PHF24: variants seen among roughly 807,000 people sequenced by gnomAD.
PHF24 encodes the protein Galpha inhibitory interacting protein.
PHF24 carries 25 observed loss-of-function variants against 42.6 expected under a neutral mutation model. The observed-to-expected ratio is 0.59, with a 90% CI of 0.43 to 0.82. The LOEUF (loss-of-function observed/expected upper bound fraction) is 0.82, where lower values mean the gene tolerates loss of function less well. PHF24 is among the 40% of genes least tolerant of loss of function. The pLI, the probability that PHF24 is intolerant of heterozygous loss-of-function variation, is 0.00. For synonymous variants in PHF24, 185 were observed against 204.8 expected (o/e 0.90, Z 0.83); for missense variants, 470 against 538.1 (o/e 0.87, Z 1.25).
chr9:34,849,556 A>G, the PHF24 span, among the ~76,000 whole-genome samples: 47 of 152,130 alleles, frequency 3.1e-4, no homozygotes, highest in African/African-American at 8.4e-4. Flanking sequence ...TCTTTATCCA[A>G]TTTGCCAGTC....
chr9:34,851,386 G>C, the PHF24 span, among the ~76,000 whole-genome samples: 1 of 152,288 alleles, frequency 6.6e-6, no homozygotes, highest in East Asian at 1.9e-4. Flanking sequence ...AGACTCCGTG[G>C]GTGTAGGACC....
the PHF24 span, among the ~76,000 whole-genome samples, chr9:34,858,056 C>T: frequency 6.7e-6 from 1 of 149,354 alleles, no homozygotes; most frequent in Non-Finnish European, 1.5e-5. Context: ...TCATAAATCT[C>T]CATTTCTTTT....
At chr9:34,860,809 T>A in the PHF24 span, among the ~76,000 whole-genome samples, 7 of 152,198 alleles carry the variant, frequency 4.6e-5, no homozygotes, top group Admixed American at 1.3e-4. Flanking sequence ...ATGGGGTAAC[T>A]GAGCCACATT....
the PHF24 span, among the ~76,000 whole-genome samples, chr9:34,920,136 T>C: frequency 9.2e-5 from 14 of 152,222 alleles, no homozygotes; most frequent in Admixed American, 5.2e-4. Flanking sequence ...CTCCATACAG[T>C]TCTCCATAGT....
chr9:34,709,304 T>C, the PHF24 span: 1 of 1,507,624 alleles, frequency 6.6e-7, no homozygotes, highest in Non-Finnish European at 9.1e-7. Context: ...CCAGGGCCCC[T>C]GAGCATAGCC....
At chr9:34,875,838 A>G in the PHF24 span, among the ~76,000 whole-genome samples, 1 of 151,296 alleles carries the variant, frequency 6.6e-6, no homozygotes, top group East Asian at 1.9e-4. Context: ...TCTGGGGCCT[A>G]TCGACCCAGC....
chr9:34,741,713 C>T, the PHF24 span, among the ~76,000 whole-genome samples: 8 of 152,192 alleles, frequency 5.3e-5, no homozygotes, highest in South Asian at 1.7e-3. Context: ...GGCCAAGTGA[C>T]GGCTGGGCTG....
At chr9:34,961,737 G>T (rs907489968) in intron 1 of PHF24, among the ~76,000 whole-genome samples, 23 of 152,178 alleles carry the variant, frequency 1.5e-4, no homozygotes, top group African/African-American at 5.6e-4. Context: ...AATTACTTTT[G>T]CCCATATACT....
the PHF24 span, among the ~76,000 whole-genome samples, chr9:34,805,289 C>T: frequency 2.0e-5 from 3 of 152,210 alleles, no homozygotes; most frequent in Non-Finnish European, 2.9e-5. Context: ...CCAAACTGTT[C>T]TCCAAAGCAA....
chr9:34,884,105 T>C, the PHF24 span, among the ~76,000 whole-genome samples: 3 of 152,164 alleles, frequency 2.0e-5, no homozygotes, highest in Non-Finnish European at 4.4e-5. Context: ...CCGAGAAAAC[T>C]ATCACGAGGA....
chr9:34,952,978 A>T (rs1398320594), upstream of PHF24, among the ~76,000 whole-genome samples: 1 of 152,256 alleles, frequency 6.6e-6, no homozygotes, highest in Non-Finnish European at 1.5e-5. Context: ...AATTAAAAAT[A>T]GATCATAAAC....
At chr9:34,861,341 G>A in the PHF24 span, among the ~76,000 whole-genome samples, 5 of 152,318 alleles carry the variant, frequency 3.3e-5, no homozygotes, top group East Asian at 9.7e-4. Flanking sequence ...TTTAGACCTA[G>A]ATAAGGGCCA....
chr9:34,971,313 G>A, exon 2 of PHF24: 1 of 1,605,300 alleles, frequency 6.2e-7, no homozygotes, highest in Non-Finnish European at 8.5e-7. Flanking sequence ...GGGTGTTGAT[G>A]TCCAAGCGGC....
the PHF24 span, among the ~76,000 whole-genome samples, chr9:34,931,198 A>G: frequency 5.9e-5 from 9 of 151,960 alleles, no homozygotes; most frequent in Admixed American, 2.6e-4. Context: ...AACATGGTGA[A>G]ACCCTGTCTC....
chr9:34,784,051 T>G, the PHF24 span, among the ~76,000 whole-genome samples: 2 of 152,230 alleles, frequency 1.3e-5, no homozygotes, highest in Non-Finnish European at 2.9e-5. Flanking sequence ...TGACAGCTAT[T>G]TCCTCTGTGC....
chr9:34,710,544 T>G, the PHF24 span, among the ~76,000 whole-genome samples: 2 of 150,104 alleles, frequency 1.3e-5, no homozygotes, highest in Admixed American at 6.7e-5. Flanking sequence ...CTTGGCTCAC[T>G]GAAATCTCCG....
At chr9:34,890,578 A>T in the PHF24 span, among the ~76,000 whole-genome samples, 2 of 152,046 alleles carry the variant, frequency 1.3e-5, no homozygotes, top group African/African-American at 4.8e-5. Context: ...TTTCAGTCCA[A>T]CCCCTTCTGG....
the PHF24 span, chr9:34,835,812 A>G: frequency 6.7e-7 from 1 of 1,500,854 alleles, no homozygotes; most frequent in Non-Finnish European, 9.1e-7. Context: ...ATGCCAGTGA[A>G]AGCTCTCTGA....
At chr9:34,954,218 G>T (rs1008653425), upstream of PHF24, among the ~76,000 whole-genome samples, 8 of 152,144 alleles carry the variant, frequency 5.3e-5, no homozygotes, top group Non-Finnish European at 4.4e-5. Flanking sequence ...GAAGAGCAGG[G>T]ACCCACAGCA....
Sources: allele counts gnomAD v4.1 joint callset (sites outside exome capture counted in the v4.1 genomes callset), GRCh38; gene constraint gnomAD v4.1.1; transcripts MANE v1.5; gene names NCBI Gene and HGNC (gene_info 2026-07-23, HGNC 2026-07-21).